Variants in COP1 observed in about 807,000 individuals in gnomAD.
COP1 encodes E3 ubiquitin-protein ligase COP1.
Under a neutral mutation model 101.3 loss-of-function variants are expected in COP1, and 24 were observed. That is an observed-to-expected ratio of 0.24 (90% CI 0.17 to 0.33). COP1 has a LOEUF of 0.33. Ranked by LOEUF, COP1 falls within the 10% of genes least tolerant of loss-of-function variation. COP1 has a pLI of 1.00. For missense variants in COP1, 663 were observed against 906.2 expected, an observed-to-expected ratio of 0.73 and a Z score of 3.45; for synonymous variants, 347 against 341.9, an observed-to-expected ratio of 1.01 and a Z score of -0.17.
chr1:176,172,857 G>A (rs934740389), intron 3 of COP1, among the ~76,000 whole-genome samples: 9 of 152,190 alleles, frequency 5.9e-5, no homozygotes, highest in African/African-American at 2.2e-4. Context: ...AAGACCTTAG[G>A]ATTTGGCTAT....
In COP1 at chr1:176,125,793, T is replaced by C. The variant is rs148488693; in HGVS notation, c.969-9112A>G. 2.2e-3 allele frequency among the ~76,000 whole-genome samples: 333 copies of C among 152,298 alleles called. 1 individual carries two copies. The highest frequency in any genetic ancestry group is 7.6e-3 in the African/African-American group (317 of 41,580). The stretch of plus-strand genomic sequence containing the variant: ...ATTGGTGTTTTGATAGTGATTGCAA[T>C]GTATCTGTAGATTGCTTGGGTAGTA... On this transcript the variant is annotated intron_variant, in intron 8 of 19. Coordinates refer to ENST00000367669, the MANE Select transcript of COP1 (RefSeq NM_022457.7).
chr1:175,964,568 G>A (rs1008516313), intron 18 of COP1, among the ~76,000 whole-genome samples: 9 of 152,202 alleles, frequency 5.9e-5, no homozygotes, highest in African/African-American at 2.2e-4. Flanking sequence ...GAGATGGCTA[G>A]CAAAGTTATA....
At chr1:176,057,474 G>T (rs1673777233) in intron 11 of COP1, among the ~76,000 whole-genome samples, 1 of 152,196 alleles carries the variant, frequency 6.6e-6, no homozygotes, top group Admixed American at 6.5e-5. Context: ...GCCTGCGATT[G>T]CAGGCGCGCG....
chr1:176,065,690 G>A (rs1255235886), intron 11 of COP1, among the ~76,000 whole-genome samples: 1 of 151,458 alleles, frequency 6.6e-6, no homozygotes, highest in African/African-American at 2.4e-5. Flanking sequence ...TCCTGTACCA[G>A]GAAGGGGATA....
Position 176,095,854 on chromosome 1 carries a change from A to T in COP1, c.1027-9964T>A, listed in dbSNP as rs915095197. ...TTCATTACTATTCATAATTTTTTTT[A>T]AAAAAACATATAAAAATCTGTTAAG... On this transcript the variant is annotated intron_variant, in intron 9 of 19. Coordinates refer to ENST00000367669, the MANE Select transcript of COP1 (RefSeq NM_022457.7). Among the ~76,000 whole-genome samples the T allele has an allele frequency of 7.2e-5, 11 of 152,244 alleles. No individual in the cohort carries two copies. In the South Asian group the frequency reaches 1.0e-3, roughly 14 times the overall value.
intron 3 of COP1, among the ~76,000 whole-genome samples, chr1:176,172,224 T>C (rs1181696524): frequency 2.0e-5 from 3 of 152,148 alleles, no homozygotes; most frequent in Non-Finnish European, 2.9e-5. Flanking sequence ...TAATTTTTTA[T>C]AGAGACAAGG....
intron 2 of COP1, among the ~76,000 whole-genome samples, chr1:176,178,972 TTTTTTTTTTTTAG>T (rs981407945): frequency 2.8e-4 from 41 of 145,076 alleles, no homozygotes; most frequent in Admixed American, 9.8e-4. Context: ...GTCAGGAGAA[TTTTTTTTTTTTAG>T]TTTTTTTTTT....
rs567071382 is a variant in COP1, at chr1:176,171,804, G to A, written c.565+4106C>T. On this transcript the variant is annotated intron_variant, in intron 3 of 19. Transcript: ENST00000367669. ...GCAGATTAGTCAGAATTTCAAGCAC[G>A]GAAATAGATTATAAGGATAAAACTA... Among the ~76,000 whole-genome samples, 20 of 152,180 alleles carry A rather than the reference G, an allele frequency of 1.3e-4. No homozygotes were observed. In the East Asian group the frequency reaches 3.3e-3, roughly 25 times the overall value.
chr1:176,102,917 C>T (rs1000404367), intron 9 of COP1, among the ~76,000 whole-genome samples: 3 of 152,158 alleles, frequency 2.0e-5, no homozygotes, highest in Admixed American at 2.0e-4. Context: ...CATCTCTGAC[C>T]CAACTAATCA....
At chr1:176,018,996 T>C (rs1353483909) in intron 15 of COP1, among the ~76,000 whole-genome samples, 1 of 151,120 alleles carries the variant, frequency 6.6e-6, no homozygotes, top group African/African-American at 2.4e-5. Context: ...TGAAACTCTG[T>C]CCCTACTACA....
chr1:176,180,056 C>G (rs576798787), intron 2 of COP1, among the ~76,000 whole-genome samples: 1 of 152,140 alleles, frequency 6.6e-6, no homozygotes, highest in Non-Finnish European at 1.5e-5. Context: ...TACTTCACTA[C>G]CACCCCAAAA....
At chr1:176,188,834 TACACAC>T (rs10637320) in intron 1 of COP1, among the ~76,000 whole-genome samples, 21 of 148,416 alleles carry the variant, frequency 1.4e-4, no homozygotes, top group African/African-American at 4.2e-4. Flanking sequence ...AACACATAGA[TACACAC>T]ACACACACAC....
intron 6 of COP1, among the ~76,000 whole-genome samples, chr1:176,146,549 C>T (rs1011142022): frequency 1.1e-4 from 17 of 152,328 alleles, no homozygotes; most frequent in African/African-American, 4.1e-4. Context: ...ATGTAGTGAG[C>T]TATCCTATGG....
chr1:175,965,797 T>C (rs1218739826), intron 18 of COP1, among the ~76,000 whole-genome samples: 1 of 152,082 alleles, frequency 6.6e-6, no homozygotes, highest in African/African-American at 2.4e-5. Context: ...TTGGTCAGGC[T>C]GGTCTCGAAC....
At chr1:176,097,199 T>C (rs1682550536) in intron 9 of COP1, among the ~76,000 whole-genome samples, 1 of 152,132 alleles carries the variant, frequency 6.6e-6, no homozygotes, top group South Asian at 2.1e-4. Context: ...GGTCTTTATG[T>C]TTTTCTCTTC....
intron 11 of COP1, among the ~76,000 whole-genome samples, chr1:176,054,544 C>A (rs1448172167): frequency 6.6e-6 from 1 of 152,170 alleles, no homozygotes; most frequent in Non-Finnish European, 1.5e-5. Context: ...TAACCACATC[C>A]TCCACTTATC....
At chr1:176,008,204 G>A (rs746558593) in intron 15 of COP1, among the ~76,000 whole-genome samples, 5 of 152,226 alleles carry the variant, frequency 3.3e-5, no homozygotes, top group Admixed American at 1.3e-4. Flanking sequence ...GCATCAGCTC[G>A]CGCACGGTGC....
intron 18 of COP1, among the ~76,000 whole-genome samples, chr1:175,953,223 T>G (rs1650174582): frequency 6.7e-6 from 1 of 150,322 alleles, no homozygotes; most frequent in Admixed American, 6.6e-5. Context: ...GAGAAACCAT[T>G]AAAAAATACA....
chr1:175,997,705 T>C (rs1660527056), intron 15 of COP1, among the ~76,000 whole-genome samples: 1 of 152,258 alleles, frequency 6.6e-6, no homozygotes, highest in South Asian at 2.1e-4. Context: ...TGAGATACCA[T>C]CTCACACCAG....
Sources: allele counts gnomAD v4.1 joint callset (sites outside exome capture counted in the v4.1 genomes callset), GRCh38; gene constraint gnomAD v4.1.1; transcripts MANE v1.5; gene names NCBI Gene and HGNC (gene_info 2026-07-23, HGNC 2026-07-21).